LMCD1: variants seen among roughly 807,000 people sequenced by gnomAD.
The protein encoded by LMCD1 is LIM and cysteine rich domains 1.
LMCD1 carries 32 observed loss-of-function variants against 42.7 expected under a neutral mutation model. The observed-to-expected ratio is 0.75, with a 90% CI of 0.57 to 1.01. LMCD1 has a LOEUF of 1.01. Ranked by LOEUF, LMCD1 falls within the 50% of genes least tolerant of loss-of-function variation. The probability of loss-of-function intolerance (pLI) is 0.00; values close to 1 mark genes in which losing one functional copy is unlikely to be tolerated. For missense variants in LMCD1, 458 were observed against 483.1 expected (o/e 0.95, Z 0.49); for synonymous variants, 178 against 184.9 (o/e 0.96, Z 0.30).
At chr3:8,516,128 A>G (rs1011803681) in intron 1 of LMCD1, among the ~76,000 whole-genome samples, 11 of 152,130 alleles carry the variant, frequency 7.2e-5, no homozygotes, top group Admixed American at 1.3e-4. Context: ...CCCTTTTTCA[A>G]ACAACTAACT....
chr3:8,542,002 CTTTTTTTTTTT>C (rs1187864989), intron 3 of LMCD1, among the ~76,000 whole-genome samples: 53 of 76,726 alleles, frequency 6.9e-4, no homozygotes, highest in African/African-American at 2.8e-3. Context: ...GAGGCTGGAG[CTTTTTTTTTTT>C]TTTTTTTTTT....
intron 3 of LMCD1, among the ~76,000 whole-genome samples, chr3:8,539,013 G>A (rs1457760325): frequency 6.6e-6 from 1 of 152,208 alleles, no homozygotes; most frequent in Non-Finnish European, 1.5e-5. Flanking sequence ...ACAGCAATTT[G>A]ACATGCAACT....
chr3:8,537,128 A>C, intron 2 of LMCD1, 57 bp from the exon 3 acceptor site: 1 of 1,575,262 alleles, frequency 6.3e-7, no homozygotes, highest in South Asian at 1.2e-5. Context: ...CTAGCAGGAG[A>C]ATGTGCCTCT....
chr3:8,543,873 T>C (rs1343468897), intron 3 of LMCD1, among the ~76,000 whole-genome samples: 2 of 152,206 alleles, frequency 1.3e-5, no homozygotes, highest in African/African-American at 4.8e-5. Flanking sequence ...ACCCTAAAGT[T>C]TGAGGTTCTT....
intron 1 of LMCD1, among the ~76,000 whole-genome samples, chr3:8,517,298 A>G (rs1457066589): frequency 2.0e-4 from 31 of 152,128 alleles, no homozygotes; most frequent in Non-Finnish European, 2.9e-5. Flanking sequence ...TTACCCCCCA[A>G]GTTGTGTGTA....
intron 3 of LMCD1, among the ~76,000 whole-genome samples, chr3:8,538,100 T>C (rs1694546014): frequency 6.6e-6 from 1 of 152,138 alleles, no homozygotes; most frequent in Non-Finnish European, 1.5e-5. Flanking sequence ...TCCCAGACCA[T>C]TGAGTCAGAA....
intron 4 of LMCD1, among the ~76,000 whole-genome samples, chr3:8,565,091 C>G (rs1676901090): frequency 6.6e-6 from 1 of 152,132 alleles, no homozygotes; most frequent in Non-Finnish European, 1.5e-5. Flanking sequence ...AAATTGTTCT[C>G]AGTTTTAATT....
chr3:8,513,808 A>G (rs1281675692), intron 1 of LMCD1, among the ~76,000 whole-genome samples: 6 of 152,220 alleles, frequency 3.9e-5, no homozygotes, highest in East Asian at 3.8e-4. Flanking sequence ...GCAGTACTCA[A>G]TAAATAACTA....
At chr3:8,509,694 A>C (rs1369147053) in intron 1 of LMCD1, among the ~76,000 whole-genome samples, 4 of 151,822 alleles carry the variant, frequency 2.6e-5, no homozygotes, top group Non-Finnish European at 5.9e-5. Context: ...ACACACACAT[A>C]CCTCTCCTTC....
intron 1 of LMCD1, among the ~76,000 whole-genome samples, chr3:8,502,372 T>TATATATAATATATATTATATAAA (rs1693769679): frequency 5.4e-5 from 1 of 18,508 alleles, no homozygotes; most frequent in Non-Finnish European, 9.5e-5. Flanking sequence ...TTATATAAAA[T>TATATATAATATATATTATATAAA]ATATATAATA....
At chr3:8,538,194 G>T (rs1311959036) in intron 3 of LMCD1, among the ~76,000 whole-genome samples, 1 of 152,150 alleles carries the variant, frequency 6.6e-6, no homozygotes, top group African/African-American at 2.4e-5. Context: ...CAATGCACCA[G>T]ATCAGGGCTC....
chr3:8,558,373 C>G (rs1410515322), intron 4 of LMCD1, among the ~76,000 whole-genome samples: 1 of 152,204 alleles, frequency 6.6e-6, no homozygotes. Context: ...CAAAATCTTT[C>G]ATTTCAATTA....
chr3:8,540,325 G>A (rs1694599776), intron 3 of LMCD1, among the ~76,000 whole-genome samples: 1 of 152,202 alleles, frequency 6.6e-6, no homozygotes, highest in South Asian at 2.1e-4. Flanking sequence ...CCTAATTGTG[G>A]ATATTTGTTA....
chr3:8,513,814 A>G (rs1435342666), intron 1 of LMCD1, among the ~76,000 whole-genome samples: 1 of 152,222 alleles, frequency 6.6e-6, no homozygotes, highest in Non-Finnish European at 1.5e-5. Flanking sequence ...CTCAATAAAT[A>G]ACTATGAAGG....
intron 1 of LMCD1, among the ~76,000 whole-genome samples, chr3:8,509,982 A>G (rs1381981312): frequency 4.6e-5 from 7 of 152,098 alleles, no homozygotes; most frequent in Admixed American, 4.6e-4. Flanking sequence ...TGCTCAGCAT[A>G]TGTTTTCAGA....
intron 1 of LMCD1, 135 bp from the exon 2 acceptor site, chr3:8,532,602 G>C (rs766129250): frequency 5.6e-6 from 4 of 716,882 alleles, no homozygotes; most frequent in African/African-American, 1.8e-5. Context: ...TAAACAGTTT[G>C]TGATGGCTTA....
intron 3 of LMCD1, among the ~76,000 whole-genome samples, chr3:8,545,223 C>CT (rs956518988): frequency 1.1e-4 from 17 of 151,144 alleles, no homozygotes; most frequent in East Asian, 1.9e-4. Flanking sequence ...ACAAGGTTGA[C>CT]TTTTTTTTTA....
At chr3:8,559,057 C>G (rs1694978322) in intron 4 of LMCD1, among the ~76,000 whole-genome samples, 2 of 151,944 alleles carry the variant, frequency 1.3e-5, no homozygotes, top group Admixed American at 1.3e-4. Context: ...TGGGGAGGAG[C>G]AGGCCCTCCA....
chr3:8,567,372 T>C, intron 5 of LMCD1, 68 bp from the exon 6 acceptor site: 3 of 1,525,556 alleles, frequency 2.0e-6, no homozygotes, highest in Middle Eastern at 1.7e-4. Context: ...CTATAACTTG[T>C]CCTAGATATA....
Sources: allele counts gnomAD v4.1 joint callset (sites outside exome capture counted in the v4.1 genomes callset), GRCh38; gene constraint gnomAD v4.1.1; transcripts MANE v1.5; gene names NCBI Gene and HGNC (gene_info 2026-07-23, HGNC 2026-07-21).